The following WDR59 variants were observed in gnomAD, a reference collection of about 807,000 sequenced individuals.
The protein encoded by WDR59 is WD repeat domain 59, also known as GATOR2 complex protein WDR59.
In WDR59, 100 loss-of-function variants were observed where a neutral mutation model predicts 131.2. The ratio of observed to expected loss-of-function variants is 0.76; its 90% CI spans 0.65 to 0.90. The LOEUF is 0.90. Among genes scored for constraint, WDR59 ranks in the 40% least tolerant of loss-of-function variants. The pLI, the probability that WDR59 is intolerant of heterozygous loss-of-function variation, is 0.00. For missense variants in WDR59, 1,203 were observed against 1,262.2 expected (o/e 0.95, Z 0.71); for synonymous variants, 601 against 466.2 (o/e 1.29, Z -3.72).
chr16:74,962,872 G>C (rs2033617141), intron 2 of WDR59: 1 of 151,500 alleles, frequency 6.6e-6, no homozygotes, highest in South Asian at 2.1e-4. Flanking sequence ...GGAGAGGTGA[G>C]AGATTCCTGA....
At chr16:74,952,403 C>G (rs1472440857) in intron 3 of WDR59, among the ~76,000 whole-genome samples, 1 of 139,686 alleles carries the variant, frequency 7.2e-6, no homozygotes, top group Admixed American at 7.7e-5. Context: ...GATTGTGCCA[C>G]TGTACTCCAG....
At position 74,871,905 on chromosome 16, in the gene WDR59, C is replaced by G. The variant is rs1487080899; in HGVS notation, c.*2304G>C. 1 of 152,272 alleles carries G rather than the reference C, an allele frequency of 6.6e-6. No individual in the cohort carries two copies. Among genetic ancestry groups the G allele is most frequent in the Non-Finnish European group, 1.5e-5 (1 of 68,064 alleles). 9.4% of individuals were successfully genotyped at this position (152,272 alleles called of 1,614,324 possible). Reference sequence around the variant, plus strand: ...CAGACCAGAGCCCAGCACTAAACCTCTGGTTCCACTGCACAGGATCTCAGT... The same window carrying G: ...CAGACCAGAGCCCAGCACTAAACCTGTGGTTCCACTGCACAGGATCTCAGT... On this transcript the variant is annotated 3_prime_UTR_variant, in exon 26 of 26. Transcript: ENST00000262144.
intron 8 of WDR59, among the ~76,000 whole-genome samples, chr16:74,933,118 C>T (rs1347275131): frequency 6.6e-6 from 1 of 152,064 alleles, no homozygotes; most frequent in Non-Finnish European, 1.5e-5. Context: ...GCCTGGGCAA[C>T]ATAGCAAGAC....
intron 18 of WDR59, among the ~76,000 whole-genome samples, chr16:74,897,877 AC>A (rs1254223663): frequency 6.6e-6 from 1 of 152,210 alleles, no homozygotes; most frequent in Admixed American, 6.5e-5. Flanking sequence ...TTCAGGGGTC[AC>A]TTGGTAATCC....
intron 1 of WDR59, among the ~76,000 whole-genome samples, chr16:74,977,112 TACAG>T (rs1490883653): frequency 2.0e-5 from 3 of 152,022 alleles, no homozygotes; most frequent in African/African-American, 7.2e-5. Flanking sequence ...AACTCACAAA[TACAG>T]ACACAGTTAC....
intron 8 of WDR59, among the ~76,000 whole-genome samples, chr16:74,933,606 A>T (rs959394742): frequency 2.6e-5 from 4 of 152,026 alleles, no homozygotes; most frequent in African/African-American, 4.8e-5. Flanking sequence ...ATTTATTGAG[A>T]TGGAGTTTAG....
chr16:74,913,362 G>A (rs759325367), intron 13 of WDR59, among the ~76,000 whole-genome samples: 1 of 151,964 alleles, frequency 6.6e-6, no homozygotes, highest in Admixed American at 6.6e-5. Flanking sequence ...CACCTTCTGG[G>A]TTCAAGTGAT....
At chr16:74,917,369 A>G (rs558398375) in intron 11 of WDR59, among the ~76,000 whole-genome samples, 2 of 152,358 alleles carry the variant, frequency 1.3e-5, no homozygotes, top group South Asian at 4.1e-4. Context: ...GGAGCTACCC[A>G]TACTATCTTA....
chr16:74,942,212 A>C (rs1299354893), intron 7 of WDR59, among the ~76,000 whole-genome samples: 6 of 152,126 alleles, frequency 3.9e-5, no homozygotes, highest in African/African-American at 1.4e-4. Flanking sequence ...GATATGCACA[A>C]TACTTTGAGG....
At chr16:74,969,476 T>G (rs2033898130) in intron 1 of WDR59, among the ~76,000 whole-genome samples, 1 of 152,122 alleles carries the variant, frequency 6.6e-6, no homozygotes. Context: ...TTTCACCGTG[T>G]TAGCCAGGAT....
chr16:74,888,550 C>G (rs11645072), intron 21 of WDR59, among the ~76,000 whole-genome samples: 139,945 of 152,308 alleles, frequency 0.92, 64,661 homozygotes, highest in East Asian at 1. Context: ...AAATGATCTA[C>G]AGAACGCATC....
At chr16:74,880,061 C>T (rs565145849) in intron 25 of WDR59, among the ~76,000 whole-genome samples, 1 of 152,248 alleles carries the variant, frequency 6.6e-6, no homozygotes, top group African/African-American at 2.4e-5. Context: ...AAAGAAGCTG[C>T]CTTCCTCCTT....
chr16:74,921,395 A>G (rs530394522), intron 10 of WDR59, among the ~76,000 whole-genome samples: 12 of 152,356 alleles, frequency 7.9e-5, no homozygotes, highest in African/African-American at 2.9e-4. Flanking sequence ...GCTTAAAGAC[A>G]ACATGGGTAA....
rs895701895 is a variant in WDR59, at chr16:74,912,270, G to T, written c.1317C>A (p.Asn439Lys). The change falls in exon 14 of 26, where the codon AAC (asparagine) becomes AAA (lysine). Residue 439 changes from asparagine (N) to lysine (K), a missense_variant. Asn to Lys is a moderately conservative substitution (Grantham distance 94, BLOSUM62 0). Transcript: ENST00000262144. Reference sequence around the variant, plus strand: ...TAAACTGGAAGGAAGGGGCGGCGTTGTTTGGGTACTGTGCAGGGAACTTCA... The same window carrying T: ...TAAACTGGAAGGAAGGGGCGGCGTTTTTTGGGTACTGTGCAGGGAACTTCA... ...MLVKFPAQYP[N>K]NAAPSFQFIN... 5.0e-6 allele frequency: 8 copies of T among 1,614,222 alleles called. No individual in the cohort carries two copies. Among genetic ancestry groups the T allele is most frequent in the Non-Finnish European group, 6.8e-6 (8 of 1,180,040 alleles).
intron 2 of WDR59, among the ~76,000 whole-genome samples, chr16:74,962,190 A>G (rs1391278512): frequency 6.6e-6 from 1 of 152,130 alleles, no homozygotes. Context: ...TGGTTACTGT[A>G]GCCTTGTAGG....
chr16:74,901,949 G>A (rs982735880), intron 18 of WDR59, among the ~76,000 whole-genome samples: 5 of 152,128 alleles, frequency 3.3e-5, no homozygotes, highest in Non-Finnish European at 7.4e-5. Context: ...ATCACAAAAT[G>A]ACTGACTTAT....
chr16:74,900,580 GAAC>G (rs1452854344), intron 18 of WDR59, among the ~76,000 whole-genome samples: 16 of 152,166 alleles, frequency 1.1e-4, no homozygotes, highest in Non-Finnish European at 1.6e-4. Context: ...CCCTAGGAAT[GAAC>G]AACATTTCAT....
intron 7 of WDR59, among the ~76,000 whole-genome samples, chr16:74,939,045 A>G (rs762887709): frequency 6.6e-6 from 1 of 151,860 alleles, no homozygotes; most frequent in Non-Finnish European, 1.5e-5. Context: ...GAAAATAAAC[A>G]GGCCGGGCAC....
chr16:74,950,046 A>C, intron 4 of WDR59: 1 of 528,654 alleles, frequency 1.9e-6, no homozygotes, highest in Non-Finnish European at 3.6e-6. Context: ...TCAACTTAAA[A>C]CATTCTCTCT....
Sources: gnomAD v4.1 joint callset for allele counts (sites outside exome capture counted in the v4.1 genomes callset) on GRCh38, gnomAD v4.1.1 for gene constraint, MANE v1.5 for transcripts, NCBI Gene and HGNC (gene_info 2026-07-23, HGNC 2026-07-21) for gene names.